KIF16B: variants seen among roughly 807,000 people sequenced by gnomAD.
KIF16B encodes the protein kinesin family member 16B.
KIF16B carries 98 observed loss-of-function variants against 156.3 expected under a neutral mutation model. That is an observed-to-expected ratio of 0.63 (90% CI 0.53 to 0.74). KIF16B has a LOEUF of 0.74. KIF16B is among the 30% of genes least tolerant of loss of function. The pLI is 0.00. For synonymous variants in KIF16B, 564 were observed against 583.7 expected (o/e 0.97, Z 0.49); for missense variants, 1,421 against 1,606.5 (o/e 0.88, Z 1.97).
At chr20:16,573,109 G>C (rs78834911) in intron 1 of KIF16B, 120 bp downstream of exon 1, 2 of 966,386 alleles carry the variant, frequency 2.1e-6, no homozygotes, top group Non-Finnish European at 3.1e-6. Flanking sequence ...GCCTGGGCCC[G>C]GTGGGCCAGG....
intron 6 of KIF16B, among the ~76,000 whole-genome samples, chr20:16,510,959 C>T (rs2068938174): frequency 6.6e-6 from 1 of 152,330 alleles, no homozygotes; most frequent in South Asian, 2.1e-4. Flanking sequence ...TTCCTCACAA[C>T]TGACTGTGCC....
intron 14 of KIF16B, among the ~76,000 whole-genome samples, chr20:16,428,215 G>C (rs114855520): frequency 6.6e-6 from 1 of 152,236 alleles, no homozygotes; most frequent in African/African-American, 2.4e-5. Flanking sequence ...TGCCATTACT[G>C]TTGCACCAAC....
chr20:16,434,329 G>A (rs1223965784), intron 12 of KIF16B, among the ~76,000 whole-genome samples: 1 of 152,176 alleles, frequency 6.6e-6, no homozygotes, highest in Non-Finnish European at 1.5e-5. Context: ...GGAGGACTCG[G>A]CTCAATGCGC....
chr20:16,567,951 C>CA (rs1345691612), intron 1 of KIF16B, among the ~76,000 whole-genome samples: 3 of 151,846 alleles, frequency 2.0e-5, no homozygotes, highest in Non-Finnish European at 2.9e-5. Flanking sequence ...GACTTCGTCT[C>CA]AAAAAAAAGA....
chr20:16,494,934 T>C (rs6044029), intron 11 of KIF16B, among the ~76,000 whole-genome samples: 34,444 of 152,148 alleles, frequency 0.23, 4,479 homozygotes, highest in East Asian at 0.36. Flanking sequence ...TCTTTCCAGT[T>C]GGCTCTAACT....
intron 6 of KIF16B, 111 bp downstream of exon 6, chr20:16,511,307 C>G (rs935957409): frequency 3.0e-5 from 17 of 560,648 alleles, no homozygotes; most frequent in Non-Finnish European, 4.6e-5. Context: ...AATAAAATTC[C>G]AAAATTAAAT....
intron 12 of KIF16B, among the ~76,000 whole-genome samples, chr20:16,434,909 T>C (rs1020550729): frequency 1.2e-4 from 18 of 152,138 alleles, no homozygotes; most frequent in Non-Finnish European, 2.4e-4. Flanking sequence ...GGGCTGGGGG[T>C]TGGGGACAAT....
At chr20:16,358,010 CA>C (rs1348872859) in intron 22 of KIF16B, among the ~76,000 whole-genome samples, 1 of 152,034 alleles carries the variant, frequency 6.6e-6, no homozygotes, top group East Asian at 1.9e-4. Flanking sequence ...TAACATGGTG[CA>C]GGCCTGTCTG....
chr20:16,365,940 C>T (rs565566673), intron 22 of KIF16B, among the ~76,000 whole-genome samples: 7 of 152,118 alleles, frequency 4.6e-5, no homozygotes, highest in East Asian at 3.8e-4. Context: ...GACAGAAGCA[C>T]GTCTCCTTCC....
rs148576692 is a variant in KIF16B, at chr20:16,572,103, T to A, written c.47+1126A>T. On this transcript the variant is annotated intron_variant, in intron 1 of 25. Coordinates refer to ENST00000354981, the MANE Select transcript of KIF16B (RefSeq NM_024704.5). ...AAAATATTCCCTTAGAGCAAAAAAG[T>A]CAAACTCTTACTCTAAACAGCTTTA... is the stretch of plus-strand genomic sequence containing the variant. Among the ~76,000 whole-genome samples the A allele has an allele frequency of 7.6e-3, 1,161 of 152,224 alleles. 21 individuals are homozygous for A. Among genetic ancestry groups the A allele is most frequent in the South Asian group, 0.041 (197 of 4,820 alleles).
intron 17 of KIF16B, among the ~76,000 whole-genome samples, chr20:16,389,396 T>C (rs1057063026): frequency 2.8e-4 from 42 of 152,198 alleles, no homozygotes; most frequent in Non-Finnish European, 7.3e-5. Context: ...AAAGAACTCC[T>C]GGCCTTTTGC....
chr20:16,504,728 A>G (rs1228732037), intron 9 of KIF16B, among the ~76,000 whole-genome samples, 181 bp from the exon 10 acceptor site: 1 of 152,042 alleles, frequency 6.6e-6, no homozygotes, highest in Non-Finnish European at 1.5e-5. Context: ...TTCACAATAC[A>G]AAATTAAGTG....
intron 24 of KIF16B, among the ~76,000 whole-genome samples, chr20:16,317,504 C>T (rs1040172540): frequency 3.9e-5 from 6 of 152,218 alleles, no homozygotes; most frequent in African/African-American, 1.4e-4. Flanking sequence ...ATCATCATTT[C>T]CCCTTACAAC....
intron 1 of KIF16B, among the ~76,000 whole-genome samples, chr20:16,570,186 T>C (rs181231240): frequency 2.0e-5 from 3 of 152,360 alleles, no homozygotes; most frequent in East Asian, 3.9e-4. Context: ...TTATGATTTT[T>C]TGTTATCAAT....
chr20:16,368,369 C>A, intron 22 of KIF16B: 1 of 989,258 alleles, frequency 1.0e-6, no homozygotes, highest in Non-Finnish European at 1.2e-6. Context: ...CCAACCCGAG[C>A]TTCCGGAGAA....
intron 12 of KIF16B, among the ~76,000 whole-genome samples, chr20:16,492,607 A>T (rs779300292): frequency 6.6e-6 from 1 of 152,148 alleles, no homozygotes; most frequent in Non-Finnish European, 1.5e-5. Flanking sequence ...CTTCTGAGAA[A>T]AAGCATAAGA....
At chr20:16,537,066 T>C (rs2069997064) in intron 1 of KIF16B, among the ~76,000 whole-genome samples, 1 of 152,022 alleles carries the variant, frequency 6.6e-6, no homozygotes, top group African/African-American at 2.4e-5. Flanking sequence ...TCTCTTTGCC[T>C]CCAGCCTCAT....
chr20:16,372,727 C>T (rs933289559), intron 20 of KIF16B, among the ~76,000 whole-genome samples: 9 of 152,292 alleles, frequency 5.9e-5, no homozygotes, highest in African/African-American at 2.4e-5. Flanking sequence ...GACAGAGTCT[C>T]GCTCTTGTCT....
chr20:16,397,785 C>T (rs2096577906), intron 17 of KIF16B, among the ~76,000 whole-genome samples: 2 of 152,212 alleles, frequency 1.3e-5, no homozygotes, highest in Admixed American at 1.3e-4. Flanking sequence ...GGGTGAGAGA[C>T]TCACAAAGAT....
Sources: allele counts gnomAD v4.1 joint callset (sites outside exome capture counted in the v4.1 genomes callset), GRCh38; gene constraint gnomAD v4.1.1; transcripts MANE v1.5; gene names NCBI Gene and HGNC (gene_info 2026-07-23, HGNC 2026-07-21).